Variants in GDA observed in about 807,000 individuals in gnomAD.
The protein encoded by GDA is guanine deaminase.
Under a neutral mutation model 59.6 loss-of-function variants are expected in GDA, and 18 were observed. That is an observed-to-expected ratio of 0.30 (90% CI 0.21 to 0.45). GDA has a LOEUF of 0.45. Among genes scored for constraint, GDA ranks in the 20% least tolerant of loss-of-function variants. The pLI is 1.00. For synonymous variants in GDA, 201 were observed against 201.1 expected, an observed-to-expected ratio of 1.00 and a Z score of 0.00; for missense variants, 427 against 552.3, an observed-to-expected ratio of 0.77 and a Z score of 2.27.
intron 1 of GDA, among the ~76,000 whole-genome samples, chr9:72,195,157 C>T (rs191765449): frequency 1.3e-5 from 2 of 152,250 alleles, no homozygotes; most frequent in East Asian, 3.9e-4. Flanking sequence ...AAATTGGTGT[C>T]CTTGCAGGGG....
chr9:72,152,403 A>G (rs1827323853), intron 1 of GDA, among the ~76,000 whole-genome samples: 1 of 152,250 alleles, frequency 6.6e-6, no homozygotes, highest in Non-Finnish European at 1.5e-5. Flanking sequence ...ACTTTTTGGT[A>G]TAAAGCAAAA....
At chr9:72,131,550 A>G (rs552688234) in intron 1 of GDA, among the ~76,000 whole-genome samples, 1 of 152,206 alleles carries the variant, frequency 6.6e-6, no homozygotes, top group East Asian at 1.9e-4. Flanking sequence ...GAGATTTGGA[A>G]GGGACAATTA....
Position 72,249,283 on chromosome 9 carries a change from C to T in GDA, c.*941C>T. On this transcript the variant is annotated 3_prime_UTR_variant, in exon 14 of 14. Transcript: ENST00000358399. Reference sequence around the variant, plus strand: ...ATACTAACAGGACAGGTTCCATTGCCATGGCCTATTCCACCCAAACAATAT... The same window carrying T: ...ATACTAACAGGACAGGTTCCATTGCTATGGCCTATTCCACCCAAACAATAT... The T allele has an allele frequency of 1.0e-6, 1 of 985,300 alleles. No individual in the cohort carries two copies. The highest frequency in any genetic ancestry group is 1.2e-6 in the Non-Finnish European group (1 of 829,842). 61.0% of individuals were successfully genotyped at this position (985,300 alleles called of 1,614,324 possible).
At chr9:72,190,338 G>A (rs536637439) in intron 1 of GDA, among the ~76,000 whole-genome samples, 1 of 152,254 alleles carries the variant, frequency 6.6e-6, no homozygotes, top group East Asian at 1.9e-4. Flanking sequence ...TGTTGGCCAG[G>A]CTGGTCTCGA....
At chr9:72,157,804 T>C (rs886580285) in intron 1 of GDA, among the ~76,000 whole-genome samples, 2 of 152,340 alleles carry the variant, frequency 1.3e-5, no homozygotes, top group African/African-American at 4.8e-5. Flanking sequence ...GGCCCCAACC[T>C]GTTCTCTAAT....
chr9:72,181,220 T>C (rs1460800392), intron 1 of GDA, among the ~76,000 whole-genome samples: 2 of 152,218 alleles, frequency 1.3e-5, no homozygotes, highest in African/African-American at 2.4e-5. Flanking sequence ...TGAATAAGGA[T>C]GTGATGAACT....
At chr9:72,258,164 G>A (rs1172127733), downstream of GDA, among the ~76,000 whole-genome samples, 1 of 151,304 alleles carries the variant, frequency 6.6e-6, no homozygotes, top group Admixed American at 6.6e-5. Flanking sequence ...AATAAAAAAT[G>A]TAGCTGGGCA....
At chr9:72,256,305 A>T (rs933692743), downstream of GDA, among the ~76,000 whole-genome samples, 2 of 152,236 alleles carry the variant, frequency 1.3e-5, no homozygotes, top group Non-Finnish European at 2.9e-5. Flanking sequence ...GCAACATTTC[A>T]TAATAAATAC....
chr9:72,134,576 T>A (rs567442365), intron 1 of GDA, among the ~76,000 whole-genome samples: 1 of 152,176 alleles, frequency 6.6e-6, no homozygotes, highest in South Asian at 2.1e-4. Flanking sequence ...TATTTTTTTT[T>A]ATTTTTAGTA....
At chr9:72,225,273 C>T (rs946997716) in intron 7 of GDA, among the ~76,000 whole-genome samples, 15 of 152,054 alleles carry the variant, frequency 9.9e-5, no homozygotes, top group Non-Finnish European at 1.5e-5. Flanking sequence ...AGAGCCAGAC[C>T]CTATCTCAAA....
intron 12 of GDA, among the ~76,000 whole-genome samples, chr9:72,246,217 A>G (rs1840122499): frequency 6.6e-6 from 1 of 152,146 alleles, no homozygotes; most frequent in Admixed American, 6.5e-5. Context: ...GCATGATCTC[A>G]GCTCACTGCA....
At chr9:72,191,496 G>A (rs1303631762) in intron 1 of GDA, among the ~76,000 whole-genome samples, 1 of 150,806 alleles carries the variant, frequency 6.6e-6, no homozygotes, top group Non-Finnish European at 1.5e-5. Context: ...TTTTGAGACG[G>A]AGTCTTGCTC....
intron 2 of GDA, among the ~76,000 whole-genome samples, chr9:72,202,063 A>G (rs1370289980): frequency 1.3e-5 from 2 of 152,186 alleles, no homozygotes; most frequent in African/African-American, 4.8e-5. Context: ...GGAAAAGACT[A>G]GGTTTCTTGT....
chr9:72,236,484 A>G (rs1221263264), intron 10 of GDA, among the ~76,000 whole-genome samples: 3 of 151,998 alleles, frequency 2.0e-5, no homozygotes, highest in Non-Finnish European at 4.4e-5. Context: ...CCTTCCCTCA[A>G]TCTCCCACCA....
chr9:72,185,247 G>A (rs779201193), intron 1 of GDA, among the ~76,000 whole-genome samples: 2 of 152,156 alleles, frequency 1.3e-5, no homozygotes, highest in Non-Finnish European at 2.9e-5. Context: ...TATTACAGAA[G>A]CAATCATAAA....
upstream of GDA, among the ~76,000 whole-genome samples, chr9:72,149,051 G>C (rs566383210): frequency 6.6e-6 from 1 of 152,334 alleles, no homozygotes; most frequent in East Asian, 1.9e-4. Context: ...TAATTCTGCA[G>C]TCTACATAAA....
intron 1 of GDA, among the ~76,000 whole-genome samples, chr9:72,187,289 G>A (rs529464264): frequency 4.0e-4 from 61 of 152,306 alleles, no homozygotes; most frequent in Admixed American, 2.4e-3. Flanking sequence ...TGATTAGGCC[G>A]TGAGGACAGA....
At chr9:72,150,745 G>A (rs944752489) in intron 1 of GDA, among the ~76,000 whole-genome samples, 1 of 152,160 alleles carries the variant, frequency 6.6e-6, no homozygotes, top group Admixed American at 6.5e-5. Flanking sequence ...ACATTTGGGG[G>A]TAACTAAACA....
intron 1 of GDA, among the ~76,000 whole-genome samples, chr9:72,120,318 A>T (rs1420562190): frequency 3.3e-5 from 5 of 151,932 alleles, no homozygotes; most frequent in Non-Finnish European, 7.4e-5. Flanking sequence ...CTCCCCAAGT[A>T]GCTGGGACTA....
Sources: gnomAD v4.1 joint callset for allele counts (sites outside exome capture counted in the v4.1 genomes callset) on GRCh38, gnomAD v4.1.1 for gene constraint, MANE v1.5 for transcripts, NCBI Gene and HGNC (gene_info 2026-07-23, HGNC 2026-07-21) for gene names.